The following SRGAP1 variants were observed in gnomAD, a reference collection of about 807,000 sequenced individuals.
The protein encoded by SRGAP1 is SLIT-ROBO Rho GTPase activating protein 1, also known as SLIT-ROBO Rho GTPase-activating protein 1.
In SRGAP1, 43 loss-of-function variants were observed where a neutral mutation model predicts 121.9. The ratio of observed to expected loss-of-function variants is 0.35; its 90% CI spans 0.28 to 0.46. The LOEUF is 0.46. Ranked by LOEUF, SRGAP1 falls within the 20% of genes least tolerant of loss-of-function variation. The pLI, the probability that SRGAP1 is intolerant of heterozygous loss-of-function variation, is 1.00. For synonymous variants in SRGAP1, 447 were observed against 485.4 expected (o/e 0.92, Z 1.04); for missense variants, 1,102 against 1,350.9 (o/e 0.82, Z 2.89).
intron 1 of SRGAP1, among the ~76,000 whole-genome samples, chr12:63,955,599 A>G (rs1034174595): frequency 6.6e-6 from 1 of 152,174 alleles, no homozygotes; most frequent in Non-Finnish European, 1.5e-5. Flanking sequence ...GATAAGGCCA[A>G]CTGATAGAAA....
intron 15 of SRGAP1, 108 bp from the exon 16 acceptor site, chr12:64,108,824 C>A: frequency 4.7e-6 from 3 of 635,634 alleles, no homozygotes; most frequent in Non-Finnish European, 7.5e-6. Flanking sequence ...CACACAAGAG[C>A]AGGGTGTTGC....
rs984493204 is a variant in SRGAP1, at chr12:64,143,486, C to A, written c.*814C>A. On this transcript the variant is annotated 3_prime_UTR_variant, in exon 22 of 22. Transcript: ENST00000355086. ...AAGACTTTCTGGTTACACTACTCCA[C>A]GAACTCCTCCAAAGATCCGTTATTC... 1 of 152,206 alleles carries A rather than the reference C, an allele frequency of 6.6e-6. No individual in the cohort carries two copies. The highest frequency in any genetic ancestry group is 2.4e-5 in the African/African-American group (1 of 41,438). 9.4% of individuals were successfully genotyped at this position (152,206 alleles called of 1,614,324 possible). A position where few individuals can be genotyped will look rare whatever the true frequency, so the allele number is the denominator to read the frequency against.
At chr12:63,998,971 T>G (rs1275582628) in intron 3 of SRGAP1, among the ~76,000 whole-genome samples, 1 of 152,082 alleles carries the variant, frequency 6.6e-6, no homozygotes, top group Non-Finnish European at 1.5e-5. Context: ...GATCTTATAG[T>G]GGGAAAGTAC....
intron 4 of SRGAP1, among the ~76,000 whole-genome samples, chr12:64,038,370 A>C (rs1282440147): frequency 1.3e-5 from 2 of 152,194 alleles, no homozygotes; most frequent in Non-Finnish European, 2.9e-5. Flanking sequence ...TTTGGCATCC[A>C]TGACGACCTT....
intron 8 of SRGAP1, among the ~76,000 whole-genome samples, chr12:64,066,325 C>T (rs564249185): frequency 6.6e-6 from 1 of 152,304 alleles, no homozygotes; most frequent in African/African-American, 2.4e-5. Context: ...TGAAGTCATG[C>T]ATACTTCTGG....
chr12:63,860,672 T>G (rs1189592363), intron 1 of SRGAP1, among the ~76,000 whole-genome samples: 3 of 152,210 alleles, frequency 2.0e-5, no homozygotes, highest in Non-Finnish European at 2.9e-5. Flanking sequence ...GTATATATTC[T>G]CTCTTTTTTC....
intron 19 of SRGAP1, 132 bp from the exon 20 acceptor site, chr12:64,127,453 TAAAAG>T (rs2036710740): frequency 2.5e-6 from 2 of 808,258 alleles, no homozygotes; most frequent in Non-Finnish European, 1.8e-6. Flanking sequence ...GTTATTTTAA[TAAAAG>T]AAGGGCTTTC....
intron 12 of SRGAP1, 68 bp from the exon 13 acceptor site, chr12:64,094,864 A>G: frequency 7.0e-7 from 1 of 1,421,054 alleles, no homozygotes; most frequent in Non-Finnish European, 9.9e-7. Context: ...GTTAAACTCT[A>G]AGCCTTATTA....
chr12:64,137,586 A>T (rs905228366), intron 21 of SRGAP1, among the ~76,000 whole-genome samples: 1 of 152,196 alleles, frequency 6.6e-6, no homozygotes, highest in African/African-American at 2.4e-5. Context: ...TTTTCAAAAG[A>T]CTACCACATC....
intron 1 of SRGAP1, among the ~76,000 whole-genome samples, chr12:63,864,459 A>G (rs997369071): frequency 6.6e-6 from 1 of 152,184 alleles, no homozygotes; most frequent in African/African-American, 2.4e-5. Flanking sequence ...CTCAGGAGTC[A>G]AACTGCTAGG....
rs886972226 is a variant in SRGAP1, at chr12:64,144,549, G to A, written c.*1877G>A. 6.6e-6 allele frequency: 1 copy of A among 152,040 alleles called. No homozygotes were observed. Among genetic ancestry groups the A allele is most frequent in the African/African-American group, 2.4e-5 (1 of 41,374 alleles). 9.4% of individuals were successfully genotyped at this position (152,040 alleles called of 1,614,324 possible). On this transcript the variant is annotated 3_prime_UTR_variant, in exon 22 of 22. Coordinates refer to ENST00000355086, the MANE Select transcript of SRGAP1 (RefSeq NM_020762.4). Reference sequence around the variant, plus strand: ...AGTCACACTGCTGATTGCTTGCCTGGGGCCTAATTTCACAAATGAATAGTG... The same window carrying A: ...AGTCACACTGCTGATTGCTTGCCTGAGGCCTAATTTCACAAATGAATAGTG...
intron 1 of SRGAP1, among the ~76,000 whole-genome samples, chr12:63,903,937 C>T (rs761300969): frequency 2.6e-5 from 4 of 152,018 alleles, no homozygotes; most frequent in Non-Finnish European, 5.9e-5. Flanking sequence ...CCAGCTCCAG[C>T]CTGTTTTTTT....
chr12:64,018,287 C>T (rs1464452827), intron 4 of SRGAP1, among the ~76,000 whole-genome samples: 2 of 152,028 alleles, frequency 1.3e-5, no homozygotes, highest in African/African-American at 2.4e-5. Flanking sequence ...GACAGGGTTT[C>T]GCCATGTTGG....
At chr12:63,949,155 ATTTTCCATATATATATT>A (rs67489452) in intron 1 of SRGAP1, among the ~76,000 whole-genome samples, 3,860 of 138,190 alleles carry the variant, frequency 0.028, 176 homozygotes, top group Non-Finnish European at 0.042. Context: ...TCATATATGT[ATTTTCCATATATATATT>A]TTTTCCATAT....
At chr12:63,851,306 C>A (rs1208747110) in intron 1 of SRGAP1, among the ~76,000 whole-genome samples, 1 of 151,654 alleles carries the variant, frequency 6.6e-6, no homozygotes, top group African/African-American at 2.4e-5. Flanking sequence ...AAACCAGGAA[C>A]TCTGGGCCAA....
At chr12:64,105,015 A>C (rs2036320554) in intron 15 of SRGAP1, among the ~76,000 whole-genome samples, 1 of 152,094 alleles carries the variant, frequency 6.6e-6, no homozygotes, top group African/African-American at 2.4e-5. Flanking sequence ...GAACTTTTTC[A>C]TCTTCTCAAA....
chr12:64,132,774 A>G (rs1373061185), intron 21 of SRGAP1, among the ~76,000 whole-genome samples: 1 of 152,244 alleles, frequency 6.6e-6, no homozygotes, highest in Non-Finnish European at 1.5e-5. Context: ...TATCTTGCGG[A>G]AGCAAAAAGC....
At chr12:63,877,250 T>C (rs2136282713) in intron 1 of SRGAP1, among the ~76,000 whole-genome samples, 1 of 152,172 alleles carries the variant, frequency 6.6e-6, no homozygotes, top group South Asian at 2.1e-4. Context: ...AAATAATGGA[T>C]GGGAATGCTT....
At chr12:63,849,348 G>A (rs962103075) in intron 1 of SRGAP1, among the ~76,000 whole-genome samples, 14 of 152,144 alleles carry the variant, frequency 9.2e-5, no homozygotes, top group African/African-American at 3.4e-4. Flanking sequence ...CTACACATAT[G>A]GGAACAATAA....
Sources: gnomAD v4.1 joint callset for allele counts (sites outside exome capture counted in the v4.1 genomes callset) on GRCh38, gnomAD v4.1.1 for gene constraint, MANE v1.5 for transcripts, NCBI Gene and HGNC (gene_info 2026-07-23, HGNC 2026-07-21) for gene names.